The following SPAG16 variants were observed in gnomAD, a reference collection of about 807,000 sequenced individuals.
SPAG16 encodes sperm-associated antigen 16 protein.
Under a neutral mutation model 80.4 loss-of-function variants are expected in SPAG16, and 86 were observed. The ratio of observed to expected loss-of-function variants is 1.07; its 90% CI spans 0.90 to 1.28. The LOEUF (loss-of-function observed/expected upper bound fraction) is 1.28. Ranked by LOEUF, SPAG16 falls within the 50% of genes most tolerant of loss-of-function variation. The pLI, the probability that SPAG16 is intolerant of heterozygous loss-of-function variation, is 0.00. For missense variants in SPAG16, 870 were observed against 765.3 expected, an observed-to-expected ratio of 1.14 and a Z score of -1.61; for synonymous variants, 294 against 265.9, an observed-to-expected ratio of 1.11 and a Z score of -1.03.
intron 15 of SPAG16, among the ~76,000 whole-genome samples, chr2:214,209,317 C>T (rs927110948): frequency 6.6e-6 from 1 of 152,116 alleles, no homozygotes; most frequent in Non-Finnish European, 1.5e-5. Context: ...CCATTGCAGC[C>T]TATCTGAGAA....
At chr2:214,112,568 G>GC (rs1291406142) in intron 14 of SPAG16, among the ~76,000 whole-genome samples, 20 of 150,948 alleles carry the variant, frequency 1.3e-4, no homozygotes, top group African/African-American at 4.9e-4. Context: ...TTATGTAATG[G>GC]CTTCTTTGTC....
chr2:213,302,719 T>C (rs916542893), intron 3 of SPAG16: 1 of 151,922 alleles, frequency 6.6e-6, no homozygotes, highest in Non-Finnish European at 1.5e-5. Flanking sequence ...ATACATTTTA[T>C]TGTACAGTAT....
chr2:213,312,695 A>G (rs1461767806), intron 4 of SPAG16, among the ~76,000 whole-genome samples: 1 of 151,826 alleles, frequency 6.6e-6, no homozygotes, highest in Non-Finnish European at 1.5e-5. Context: ...AAGTAATAGT[A>G]CAATTATTTA....
At chr2:213,454,032 T>G (rs139997689) in intron 9 of SPAG16, among the ~76,000 whole-genome samples, 5 of 152,174 alleles carry the variant, frequency 3.3e-5, no homozygotes, top group Admixed American at 2.6e-4. Flanking sequence ...CATGACTCGC[T>G]ATAACCTCTG....
chr2:213,561,355 C>G (rs1185553260), intron 10 of SPAG16, among the ~76,000 whole-genome samples: 1 of 152,142 alleles, frequency 6.6e-6, no homozygotes, highest in African/African-American at 2.4e-5. Context: ...CTACTATTGA[C>G]TACATATTCT....
At chr2:213,788,081 A>C (rs2070454303) in intron 10 of SPAG16, among the ~76,000 whole-genome samples, 3 of 152,010 alleles carry the variant, frequency 2.0e-5, no homozygotes, top group African/African-American at 7.2e-5. Flanking sequence ...AGAATAATTT[A>C]ACCTTTATGA....
At chr2:214,290,571 T>G (rs1693726169) in intron 15 of SPAG16, among the ~76,000 whole-genome samples, 1 of 152,212 alleles carries the variant, frequency 6.6e-6, no homozygotes, top group African/African-American at 2.4e-5. Context: ...TGGGTATTTT[T>G]GTATTTCCAT....
intron 10 of SPAG16, among the ~76,000 whole-genome samples, chr2:213,685,510 C>T (rs2064621402): frequency 6.6e-6 from 1 of 152,208 alleles, no homozygotes; most frequent in African/African-American, 2.4e-5. Flanking sequence ...AGAAGTGTGG[C>T]ACAATAAATT....
At chr2:213,975,486 G>A (rs1034452412) in intron 12 of SPAG16, among the ~76,000 whole-genome samples, 11 of 151,634 alleles carry the variant, frequency 7.3e-5, no homozygotes, top group African/African-American at 2.7e-4. Context: ...TTGATTAAAG[G>A]AAATGGCAAT....
chr2:213,886,521 C>T (rs776296589), intron 11 of SPAG16, among the ~76,000 whole-genome samples: 22 of 152,024 alleles, frequency 1.4e-4, no homozygotes, highest in Non-Finnish European at 3.2e-4. Context: ...ACAACCACAG[C>T]AACAGTAGCA....
At chr2:213,594,515 G>A (rs1042512345) in intron 10 of SPAG16, among the ~76,000 whole-genome samples, 1 of 152,236 alleles carries the variant, frequency 6.6e-6, no homozygotes, top group African/African-American at 2.4e-5. Flanking sequence ...GAGAATGGGG[G>A]TGTGCTCACT....
chr2:214,276,765 T>C (rs1431687848), intron 15 of SPAG16, among the ~76,000 whole-genome samples: 1 of 152,104 alleles, frequency 6.6e-6, no homozygotes, highest in Non-Finnish European at 1.5e-5. Flanking sequence ...GACAATTATG[T>C]GTCTTGGGGT....
At chr2:213,596,667 C>T (rs111772841) in intron 10 of SPAG16, among the ~76,000 whole-genome samples, 9 of 152,118 alleles carry the variant, frequency 5.9e-5, no homozygotes, top group African/African-American at 2.2e-4. Context: ...CTCTATAATC[C>T]TAGTGGGTTG....
intron 15 of SPAG16, among the ~76,000 whole-genome samples, chr2:214,340,100 G>A (rs915090420): frequency 6.6e-6 from 1 of 152,170 alleles, no homozygotes; most frequent in African/African-American, 2.4e-5. Context: ...ATGCAAGGGA[G>A]GGAAGGATTG....
chr2:213,579,779 A>C (rs2060243380), intron 10 of SPAG16, among the ~76,000 whole-genome samples: 1 of 152,150 alleles, frequency 6.6e-6, no homozygotes, highest in Non-Finnish European at 1.5e-5. Context: ...AAGATTAGAG[A>C]TGAGGTAATC....
At chr2:213,841,629 A>G (rs1480280607) in intron 10 of SPAG16, among the ~76,000 whole-genome samples, 2 of 152,148 alleles carry the variant, frequency 1.3e-5, no homozygotes, top group Admixed American at 1.3e-4. Flanking sequence ...ATAGATTTAT[A>G]TTGTTAGGTT....
At chr2:213,607,503 A>C (rs190157499) in intron 10 of SPAG16, among the ~76,000 whole-genome samples, 13 of 152,332 alleles carry the variant, frequency 8.5e-5, no homozygotes, top group Non-Finnish European at 1.9e-4. Flanking sequence ...AACATTTTAA[A>C]ATTTTCTCAT....
intron 10 of SPAG16, among the ~76,000 whole-genome samples, chr2:213,765,063 A>G (rs1291570977): frequency 6.6e-6 from 1 of 152,208 alleles, no homozygotes; most frequent in Non-Finnish European, 1.5e-5. Flanking sequence ...TCAACAAAAT[A>G]CAAAAATTAA....
intron 10 of SPAG16, among the ~76,000 whole-genome samples, chr2:213,530,773 A>G (rs2076040030): frequency 6.6e-6 from 1 of 151,994 alleles, no homozygotes; most frequent in African/African-American, 2.4e-5. Context: ...AATTCCTGTT[A>G]GTTGGATTTA....
Sources: gnomAD v4.1 joint callset for allele counts (sites outside exome capture counted in the v4.1 genomes callset) on GRCh38, gnomAD v4.1.1 for gene constraint, MANE v1.5 for transcripts, NCBI Gene and HGNC (gene_info 2026-07-23, HGNC 2026-07-21) for gene names.